PRIMPOL: variants seen among roughly 807,000 people sequenced by gnomAD.
PRIMPOL encodes primase and DNA directed polymerase, also known as DNA-directed primase/polymerase protein.
In PRIMPOL, 54 loss-of-function variants were observed where a neutral mutation model predicts 63.6. The observed-to-expected ratio is 0.85, with a 90% CI of 0.68 to 1.07. The LOEUF (loss-of-function observed/expected upper bound fraction) is 1.07. Among genes scored for constraint, PRIMPOL ranks in the 50% least tolerant of loss-of-function variants. The probability of loss-of-function intolerance (pLI) is 0.00; values close to 1 mark genes in which losing one functional copy is unlikely to be tolerated. For missense variants in PRIMPOL, 610 were observed against 648.3 expected (o/e 0.94, Z 0.64); for synonymous variants, 197 against 220.2 (o/e 0.89, Z 0.93).
rs1383820615 is a variant in PRIMPOL, at chr4:184,691,531, A to G, written c.1328A>G (p.Tyr443Cys). ...GTTGATCTGAAAAATGAAGTTTGGT[A>G]TCAAAAATGTCATGACCCTGTATGT... ...ILVDLKNEVW[Y>C]QKCHDPVCKA... The change falls in exon 12 of 14, where the codon TAT (tyrosine) becomes TGT (cysteine). Residue 443 changes from tyrosine to cysteine, a missense_variant. Physicochemically the swap from Tyr to Cys is radical, Grantham distance 194 (BLOSUM62 -2). Transcript: ENST00000314970. The G allele has an allele frequency of 3.1e-6, 5 of 1,605,102 alleles. No individual in the cohort carries two copies. Among genetic ancestry groups the G allele is most frequent in the South Asian group, 1.1e-5 (1 of 90,390 alleles).
intron 9 of PRIMPOL, among the ~76,000 whole-genome samples, chr4:184,683,350 A>G (rs1756154206): frequency 1.3e-5 from 2 of 151,668 alleles, no homozygotes; most frequent in Non-Finnish European, 2.9e-5. Flanking sequence ...TGAACCTGGG[A>G]GGCGGAGGTT....
chr4:184,676,292 CTCCCCTCCCCTGCCT>C (rs1380593496), intron 7 of PRIMPOL, among the ~76,000 whole-genome samples: 1 of 142,710 alleles, frequency 7.0e-6, no homozygotes, highest in Non-Finnish European at 1.5e-5. Context: ...TCTTTCTTCC[CTCCCCTCCCCTGCCT>C]TCCCCTCCCT....
At chr4:184,692,560 T>A (rs1382430559) in intron 13 of PRIMPOL, among the ~76,000 whole-genome samples, 2 of 151,986 alleles carry the variant, frequency 1.3e-5, no homozygotes, top group African/African-American at 2.4e-5. Context: ...CTTACTCATT[T>A]GACCAGAAAT....
At chr4:184,689,138 T>A (rs1481218096) in intron 11 of PRIMPOL, among the ~76,000 whole-genome samples, 1 of 149,776 alleles carries the variant, frequency 6.7e-6, no homozygotes, top group East Asian at 1.9e-4. Context: ...GTGCAGGAGC[T>A]CACTGCAGCC....
At chr4:184,671,564 C>T (rs1313989096) in intron 6 of PRIMPOL, among the ~76,000 whole-genome samples, 1 of 152,074 alleles carries the variant, frequency 6.6e-6, no homozygotes, top group East Asian at 1.9e-4. Context: ...TGATGACAGC[C>T]TCTTAGGCTC....
intron 9 of PRIMPOL, among the ~76,000 whole-genome samples, chr4:184,683,659 A>G (rs543929483): frequency 6.6e-6 from 1 of 152,268 alleles, no homozygotes; most frequent in African/African-American, 2.4e-5. Flanking sequence ...TAATGGTTGT[A>G]TAGTTTTTCA....
At chr4:184,671,961 C>T (rs183990936) in intron 6 of PRIMPOL, among the ~76,000 whole-genome samples, 13,850 of 151,782 alleles carry the variant, frequency 0.091, 786 homozygotes, top group Middle Eastern at 0.15. Flanking sequence ...AGGATGGTCT[C>T]GATCTCCCGA....
In PRIMPOL at chr4:184,690,103, G is replaced by A. The variant is rs552340115; in HGVS notation, c.1296-1396G>A. On this transcript the variant is annotated intron_variant, in intron 11 of 13. Coordinates refer to ENST00000314970, the MANE Select transcript of PRIMPOL (RefSeq NM_152683.4). ...CACACCTCACCTACTGCCATGGGGA[G>A]TGTTAACCATCTTATTTCCTTTTCT... Among the ~76,000 whole-genome samples, 9 of 152,258 alleles carry A rather than the reference G, an allele frequency of 5.9e-5. No homozygotes were observed. The South Asian group carries it at 1.9e-3, about 32-fold the overall frequency.
intron 6 of PRIMPOL, 73 bp downstream of exon 6, chr4:184,666,137 T>G: frequency 8.3e-7 from 1 of 1,209,048 alleles, no homozygotes; most frequent in Non-Finnish European, 1.1e-6. Context: ...CTTAAAATTT[T>G]GTGTGTACTT....
In PRIMPOL at chr4:184,677,621, ACCTT is replaced by A. The variant is rs550410879; in HGVS notation, c.845-610_845-607del. Among the ~76,000 whole-genome samples, 293 of 152,248 alleles carry A rather than the reference ACCTT, an allele frequency of 1.9e-3. 2 individuals carry two copies. The highest frequency in any genetic ancestry group is 3.5e-3 in the Admixed American group (54 of 15,290). The stretch of plus-strand genomic sequence containing the variant: ...CTTTGAAATTTCTTGGTAGTTATTG[ACCTT>A]TTGCACTTCCATTTAAATTTTAGAG... On this transcript the variant is annotated intron_variant, in intron 7 of 13. Transcript: ENST00000314970.
intron 8 of PRIMPOL, 114 bp downstream of exon 8, chr4:184,678,508 T>C (rs1435200782): frequency 5.1e-6 from 4 of 781,232 alleles, no homozygotes; most frequent in Admixed American, 3.7e-5. Flanking sequence ...CTTAAGAAAA[T>C]GTCAGTTCTT....
At chr4:184,677,877 T>C (rs1025955016) in intron 7 of PRIMPOL, among the ~76,000 whole-genome samples, 5 of 152,210 alleles carry the variant, frequency 3.3e-5, no homozygotes, top group Admixed American at 3.3e-4. Context: ...TTATTCTAGA[T>C]ATTTGTTGGT....
intron 1 of PRIMPOL, among the ~76,000 whole-genome samples, chr4:184,651,742 G>A (rs545669349): frequency 3.0e-4 from 45 of 152,130 alleles, no homozygotes; most frequent in African/African-American, 9.9e-4. Flanking sequence ...TCCGCCTCCC[G>A]GGTTCACATG....
intron 2 of PRIMPOL, among the ~76,000 whole-genome samples, chr4:184,656,224 C>T (rs907589686): frequency 3.3e-5 from 5 of 152,070 alleles, no homozygotes; most frequent in African/African-American, 1.2e-4. Flanking sequence ...CTCGTTAAAC[C>T]TCTGCTTGCT....
chr4:184,691,355 G>T, intron 11 of PRIMPOL, 144 bp from the exon 12 acceptor site: 1 of 584,468 alleles, frequency 1.7e-6, no homozygotes. Flanking sequence ...GTTTTGATTG[G>T]TATGTATCTA....
Position 184,654,121 on chromosome 4 carries a change from G to C in PRIMPOL, c.-60+2021G>C, listed in dbSNP as rs183099455. Reference sequence around the variant, plus strand: ...TGATGTTCCTGTATGACATACTCCCGTGGTCCTACCAAGACTTTTACAAAA... The same window carrying C: ...TGATGTTCCTGTATGACATACTCCCCTGGTCCTACCAAGACTTTTACAAAA... On this transcript the variant is annotated intron_variant, in intron 2 of 13. Coordinates refer to ENST00000314970, the MANE Select transcript of PRIMPOL (RefSeq NM_152683.4). 4.2e-3 allele frequency among the ~76,000 whole-genome samples: 636 copies of C among 152,208 alleles called. 8 individuals carry two copies. Among genetic ancestry groups the C allele is most frequent in the African/African-American group, 0.014 (598 of 41,520 alleles).
Position 184,682,352 on chromosome 4 carries a change from T to C in PRIMPOL, c.1096+16T>C. 2.1e-6 allele frequency: 3 copies of C among 1,404,934 alleles called. No individual in the cohort carries two copies. Among genetic ancestry groups the C allele is most frequent in the Non-Finnish European group, 3.0e-6 (3 of 991,108 alleles). 87.0% of individuals were successfully genotyped at this position (1,404,934 alleles called of 1,614,324 possible). A position where few individuals can be genotyped will look rare whatever the true frequency, so the allele number is the denominator to read the frequency against. ...GGCACTTCAGGTAAATTTTTTGATGTTTGTTTTTCTTTTTGAGACAGCATC... is the reference window on the plus strand; with the variant it reads ...GGCACTTCAGGTAAATTTTTTGATGCTTGTTTTTCTTTTTGAGACAGCATC... On this transcript the variant is annotated intron_variant, in intron 9 of 13. Transcript: ENST00000314970.
chr4:184,660,799 A>G (rs1459225305), intron 4 of PRIMPOL, among the ~76,000 whole-genome samples: 1 of 152,158 alleles, frequency 6.6e-6, no homozygotes, highest in African/African-American at 2.4e-5. Context: ...TGATGATACA[A>G]TTTTCACATA....
In PRIMPOL at chr4:184,657,123, C is replaced by G; in HGVS notation, c.-18C>G. The G allele has an allele frequency of 6.4e-7, 1 of 1,560,296 alleles. No individual in the cohort carries two copies. The highest frequency in any genetic ancestry group is 8.7e-7 in the Non-Finnish European group (1 of 1,153,176). ...TATTACGTGGGATAGGATTTATTCT[C>G]TCCACACTTCTGAACCAATGAATAG... On this transcript the variant is annotated 5_prime_UTR_variant, in exon 3 of 14. Transcript: ENST00000314970.
Sources: allele counts gnomAD v4.1 joint callset (sites outside exome capture counted in the v4.1 genomes callset), GRCh38; gene constraint gnomAD v4.1.1; transcripts MANE v1.5; gene names NCBI Gene and HGNC (gene_info 2026-07-23, HGNC 2026-07-21).